The following TAF3 variants were observed in gnomAD, a reference collection of about 807,000 sequenced individuals.
The protein encoded by TAF3 is TATA-box binding protein associated factor 3.
A neutral mutation model predicts 80.6 loss-of-function variants in TAF3; 7 were observed. The ratio of observed to expected loss-of-function variants is 0.09; its 90% CI spans 0.05 to 0.16. The LOEUF is 0.16. TAF3 is among the 10% of genes least tolerant of loss of function. The pLI is 1.00. For synonymous variants in TAF3, 444 were observed against 446.1 expected (o/e 1.00, Z 0.06); for missense variants, 921 against 1,140.2 (o/e 0.81, Z 2.77).
chr10:7,912,006 C>T (rs768398385), intron 2 of TAF3, among the ~76,000 whole-genome samples: 8 of 152,140 alleles, frequency 5.3e-5, no homozygotes, highest in Non-Finnish European at 1.0e-4. Flanking sequence ...TCGGATCATC[C>T]AGAATTCTGA....
intron 2 of TAF3, among the ~76,000 whole-genome samples, chr10:7,897,954 C>T (rs572805880): frequency 1.3e-5 from 2 of 152,274 alleles, no homozygotes; most frequent in South Asian, 2.1e-4. Context: ...AGCCACCACA[C>T]CCGGTCCCTA....
intron 2 of TAF3, among the ~76,000 whole-genome samples, chr10:7,895,629 G>C (rs1371563225): frequency 1.3e-5 from 2 of 152,182 alleles, no homozygotes; most frequent in Non-Finnish European, 2.9e-5. Context: ...TCCAGGTTGA[G>C]TCTTGGGAAA....
At chr10:7,948,030 G>A (rs911613741) in intron 2 of TAF3, among the ~76,000 whole-genome samples, 16 of 151,624 alleles carry the variant, frequency 1.1e-4, no homozygotes, top group African/African-American at 3.6e-4. Flanking sequence ...TGTCTCAAGT[G>A]GTTTTATTGT....
intron 2 of TAF3, among the ~76,000 whole-genome samples, chr10:7,848,044 A>G (rs1836989524): frequency 6.6e-6 from 1 of 152,238 alleles, no homozygotes; most frequent in African/African-American, 2.4e-5. Context: ...TGCTGGGATT[A>G]CAGGCATGAG....
intron 2 of TAF3, among the ~76,000 whole-genome samples, chr10:7,886,321 C>G (rs1012862593): frequency 2.6e-5 from 4 of 152,342 alleles, no homozygotes; most frequent in Admixed American, 6.5e-5. Flanking sequence ...GAAGGACTGG[C>G]ATGACCTGGT....
At chr10:7,958,334 T>C (rs2131408211) in intron 2 of TAF3, among the ~76,000 whole-genome samples, 1 of 152,294 alleles carries the variant, frequency 6.6e-6, no homozygotes, top group South Asian at 2.1e-4. Context: ...AAAATTCTAA[T>C]ATTTTTAAAA....
At chr10:8,008,625 G>A (rs1162806078) in intron 4 of TAF3, among the ~76,000 whole-genome samples, 1 of 152,212 alleles carries the variant, frequency 6.6e-6, no homozygotes, top group Non-Finnish European at 1.5e-5. Flanking sequence ...AACAGCAAAT[G>A]TGTCTTTCTT....
At chr10:7,870,557 G>T (rs1837255268) in intron 2 of TAF3, among the ~76,000 whole-genome samples, 1 of 152,092 alleles carries the variant, frequency 6.6e-6, no homozygotes, top group Admixed American at 6.5e-5. Flanking sequence ...TGTACAATTG[G>T]AAACTGTAAC....
intron 2 of TAF3, among the ~76,000 whole-genome samples, chr10:7,955,823 G>T (rs908131000): frequency 1.3e-5 from 2 of 152,174 alleles, no homozygotes; most frequent in African/African-American, 4.8e-5. Context: ...AGAATGTAGG[G>T]AGTGTGGATT....
rs71287400 is a variant in TAF3, at chr10:7,994,977, G to GAAAAAA, written c.2316-14088_2316-14083dup. On this transcript the variant is annotated intron_variant, in intron 4 of 6. Coordinates refer to ENST00000344293, the MANE Select transcript of TAF3 (RefSeq NM_031923.4). ...AGAGCAAGACTCCGTCTCAAAAAAAGAAAAAAAAAAAAAAAAAAGAAAAAA... is the reference window on the plus strand; with the variant it reads ...AGAGCAAGACTCCGTCTCAAAAAAAGAAAAAAAAAAAAAAAAAAAAAAAAGAAAAAA... 3.5e-4 allele frequency among the ~76,000 whole-genome samples: 34 copies of GAAAAAA among 97,648 alleles called. 1 individual carries two copies. The highest frequency in any genetic ancestry group is 6.6e-4 in the African/African-American group (17 of 25,812). The allele number at this position is 97,648 out of a possible 152,430, so 64.1% of individuals were successfully genotyped here.
At chr10:7,829,216 A>G (rs1836774079) in intron 2 of TAF3, among the ~76,000 whole-genome samples, 1 of 152,168 alleles carries the variant, frequency 6.6e-6, no homozygotes, top group Admixed American at 6.5e-5. Flanking sequence ...GAAAAAATTG[A>G]GAAGTTAGTT....
At position 7,818,754 on chromosome 10, in the gene TAF3, G is replaced by A; in HGVS notation, c.45G>A (p.Ala15=). 6.3e-7 allele frequency: 1 copy of A among 1,590,468 alleles called. No individual in the cohort carries two copies. The highest frequency in any genetic ancestry group is 8.5e-7 in the Non-Finnish European group (1 of 1,173,024). ...YSRSLLRVSV[A]QICQALGWDS... Reference sequence around the variant, plus strand: ...GGTCGTTGTTGAGGGTCTCGGTGGCGCAGATCTGCCAGGCGCTGGGCTGGG... The same window carrying A: ...GGTCGTTGTTGAGGGTCTCGGTGGCACAGATCTGCCAGGCGCTGGGCTGGG... Residue 15 remains alanine, a synonymous_variant, in exon 1 of 7, where the codon GCG becomes GCA. Coordinates refer to ENST00000344293, the MANE Select transcript of TAF3 (RefSeq NM_031923.4).
At chr10:7,987,693 G>T (rs1252011785) in intron 4 of TAF3, among the ~76,000 whole-genome samples, 1 of 152,192 alleles carries the variant, frequency 6.6e-6, no homozygotes, top group African/African-American at 2.4e-5. Flanking sequence ...AGAAGAATTA[G>T]TGAAATCCTA....
At chr10:7,822,265 C>T (rs1320158533) in intron 1 of TAF3, among the ~76,000 whole-genome samples, 1 of 149,420 alleles carries the variant, frequency 6.7e-6, no homozygotes, top group Non-Finnish European at 1.5e-5. Context: ...AAAAAGGTGG[C>T]CGAAGGGGAC....
At position 7,954,629 on chromosome 10, in the gene TAF3, C is replaced by T. The variant is rs1337053812; in HGVS notation, c.410-9291C>T. On this transcript the variant is annotated intron_variant, in intron 2 of 6. Coordinates refer to ENST00000344293, the MANE Select transcript of TAF3 (RefSeq NM_031923.4). ...AATTAGTCCCAGTTAACACAGAGCT[C>T]TCCATAGTGAGATTCAGAGTGCACT... 2.2e-5 allele frequency among the ~76,000 whole-genome samples: 3 copies of T among 137,972 alleles called. 1 individual carries two copies. In the East Asian group the frequency reaches 7.6e-4, roughly 35 times the overall value. 90.5% of individuals were successfully genotyped at this position (137,972 alleles called of 152,430 possible).
At chr10:7,885,561 A>G (rs927770009) in intron 2 of TAF3, among the ~76,000 whole-genome samples, 3 of 152,126 alleles carry the variant, frequency 2.0e-5, no homozygotes, top group Non-Finnish European at 4.4e-5. Context: ...GTAGGCAACC[A>G]GTCTCATTAG....
intron 2 of TAF3, among the ~76,000 whole-genome samples, chr10:7,883,108 G>A (rs1449200914): frequency 6.6e-6 from 1 of 152,192 alleles, no homozygotes; most frequent in African/African-American, 2.4e-5. Flanking sequence ...GCTACACTGA[G>A]ATTACATCAG....
intron 2 of TAF3, among the ~76,000 whole-genome samples, chr10:7,834,568 A>G (rs1035753204): frequency 2.0e-5 from 3 of 152,164 alleles, no homozygotes; most frequent in African/African-American, 7.2e-5. Flanking sequence ...GTGTGAATAG[A>G]TAGATAGGTG....
chr10:7,948,169 C>T (rs1838044588), intron 2 of TAF3, among the ~76,000 whole-genome samples: 1 of 151,734 alleles, frequency 6.6e-6, no homozygotes, highest in Non-Finnish European at 1.5e-5. Flanking sequence ...TTCAAGCAAT[C>T]CTCTGGCCCC....
Sources: allele counts gnomAD v4.1 joint callset (sites outside exome capture counted in the v4.1 genomes callset), GRCh38; gene constraint gnomAD v4.1.1; transcripts MANE v1.5; gene names NCBI Gene and HGNC (gene_info 2026-07-23, HGNC 2026-07-21).